The following NLGN4Y variants were observed in gnomAD, a reference collection of about 807,000 sequenced individuals.
NLGN4Y encodes neuroligin 4 Y-linked, also known as neuroligin-4, Y-linked.
Under a neutral mutation model 8.4 loss-of-function variants are expected in NLGN4Y, and 4 were observed. The observed-to-expected ratio is 0.48, with a 90% CI of 0.23 to 1.09. The LOEUF is 1.09. Among genes scored for constraint, NLGN4Y ranks in the 50% least tolerant of loss-of-function variants. The pLI, the probability that NLGN4Y is intolerant of heterozygous loss-of-function variation, is 0.19. For missense variants in NLGN4Y, 90 were observed against 192.3 expected (o/e 0.47, Z 3.15); for synonymous variants, 35 against 75.6 (o/e 0.46, Z 2.78).
intron 1 of NLGN4Y, among the ~76,000 whole-genome samples, chrY:14,543,789 G>A (rs2080159161): frequency 3.0e-5 from 1 of 33,298 alleles, no homozygotes; most frequent in African/African-American, 1.2e-4. Context: ...CAGATCTGAT[G>A]AGAAACAAAG....
chrY:14,591,873 A>C (rs753918796), intron 1 of NLGN4Y, among the ~76,000 whole-genome samples: 1 of 33,448 alleles, frequency 3.0e-5, no homozygotes, highest in South Asian at 6.6e-4. Flanking sequence ...GTCCCATCAG[A>C]TATTGGGAAG....
rs2150602732 is a variant in NLGN4Y at position 14,841,683 on chromosome Y, G to C, written c.*421G>C. The C allele has an allele frequency of 8.4e-6, 1 of 119,600 alleles. No individual in the cohort carries two copies. Among genetic ancestry groups the C allele is most frequent in the Admixed American group, 1.1e-4 (1 of 9,504 alleles). 29.8% of individuals were successfully genotyped at this position (119,600 alleles called of 400,897 possible). ...TTTTATGTGGGCTACACAATGGATG[G>C]CTCTTCTTAAGTGAAGAAAGACTCT... is the stretch of plus-strand genomic sequence containing the variant. On this transcript the variant is annotated 3_prime_UTR_variant, in exon 7 of 7. Coordinates refer to ENST00000684976, the MANE Select transcript of NLGN4Y (RefSeq NM_001365588.1).
chrY:14,783,139 A>G, intron 4 of NLGN4Y, among the ~76,000 whole-genome samples: 1 of 33,830 alleles, frequency 3.0e-5, no homozygotes, highest in Non-Finnish European at 7.4e-5. Context: ...TGTTATTTAT[A>G]ATCTTAGTAT....
intron 2 of NLGN4Y, among the ~76,000 whole-genome samples, chrY:14,671,977 A>G (rs2080712529): frequency 2.9e-5 from 1 of 34,283 alleles, no homozygotes; most frequent in Non-Finnish European, 7.3e-5. Flanking sequence ...AGAAAGGATA[A>G]TACAATTTTG....
At chrY:14,598,884 T>C (rs2080416608) in intron 1 of NLGN4Y, among the ~76,000 whole-genome samples, 2 of 13,862 alleles carry the variant, frequency 1.4e-4, no homozygotes, top group Non-Finnish European at 2.8e-4. Flanking sequence ...ATAGGAGATG[T>C]ATATATATAT....
chrY:14,557,991 A>G (rs2080215059), intron 1 of NLGN4Y, among the ~76,000 whole-genome samples: 1 of 33,282 alleles, frequency 3.0e-5, no homozygotes, highest in Non-Finnish European at 7.4e-5. Flanking sequence ...TCTCCATAAT[A>G]TTAAACTAAT....
At chrY:14,740,372 C>T (rs2081002717) in intron 4 of NLGN4Y, among the ~76,000 whole-genome samples, 3 of 33,490 alleles carry the variant, frequency 9.0e-5, no homozygotes, top group Admixed American at 5.5e-4. Context: ...CAGATTTGTC[C>T]GCACTAATAT....
At chrY:14,586,287 A>C (rs771419821) in intron 1 of NLGN4Y, among the ~76,000 whole-genome samples, 62 of 33,396 alleles carry the variant, frequency 1.9e-3, no homozygotes, top group African/African-American at 7.0e-3. Flanking sequence ...ATGAAGAAAG[A>C]GTGTAGGCTG....
intron 4 of NLGN4Y, among the ~76,000 whole-genome samples, chrY:14,789,490 C>A: frequency 3.0e-5 from 1 of 33,044 alleles, no homozygotes; most frequent in Non-Finnish European, 7.4e-5. Flanking sequence ...ACCTTCTTGG[C>A]TCATGTGATC....
At chrY:14,835,628 AAG>A (rs2043195495) in intron 6 of NLGN4Y, among the ~76,000 whole-genome samples, 2 of 27,279 alleles carry the variant, frequency 7.3e-5, no homozygotes, top group Non-Finnish European at 1.8e-4. Flanking sequence ...GAAGGAAGGA[AAG>A]AGAGATTAGG....
At chrY:14,536,483 G>C (rs2080134719) in intron 1 of NLGN4Y, among the ~76,000 whole-genome samples, 1 of 32,058 alleles carries the variant, frequency 3.1e-5, no homozygotes, top group Non-Finnish European at 7.5e-5. Context: ...TCCTGACCTC[G>C]TGATCCGCCT....
intron 2 of NLGN4Y, among the ~76,000 whole-genome samples, chrY:14,701,194 C>T (rs1028138249): frequency 6.4e-5 from 1 of 15,550 alleles, no homozygotes; most frequent in Non-Finnish European, 1.4e-4. Context: ...CGCATGCACA[C>T]GCACACACAC....
intron 2 of NLGN4Y, among the ~76,000 whole-genome samples, chrY:14,686,532 G>T (rs2080792074): frequency 6.1e-5 from 2 of 32,546 alleles, no homozygotes; most frequent in African/African-American, 1.2e-4. Context: ...CATTCACATG[G>T]TTTTGCAAAT....
chrY:14,758,656 G>T, intron 4 of NLGN4Y, among the ~76,000 whole-genome samples: 3 of 32,844 alleles, frequency 9.1e-5, no homozygotes, highest in African/African-American at 3.6e-4. Context: ...TTGTTTTGAG[G>T]CAGGGTCTCT....
chrY:14,547,188 A>T, intron 1 of NLGN4Y, among the ~76,000 whole-genome samples: 5 of 33,811 alleles, frequency 1.5e-4, no homozygotes, highest in African/African-American at 2.3e-4. Flanking sequence ...TTGCAGTTTT[A>T]TGATGGTGTG....
chrY:14,570,526 G>A (rs2080265430), intron 1 of NLGN4Y, among the ~76,000 whole-genome samples: 1 of 33,298 alleles, frequency 3.0e-5, no homozygotes, highest in Non-Finnish European at 7.4e-5. Flanking sequence ...TTTATACACT[G>A]TGTGGCAAAA....
At chrY:14,786,042 T>G in intron 4 of NLGN4Y, among the ~76,000 whole-genome samples, 1 of 33,984 alleles carries the variant, frequency 2.9e-5, no homozygotes, top group Non-Finnish European at 7.3e-5. Context: ...TCAGGAGGTA[T>G]TTGTCAAGGT....
chrY:14,614,999 A>T, intron 1 of NLGN4Y, among the ~76,000 whole-genome samples: 1 of 32,048 alleles, frequency 3.1e-5, no homozygotes, highest in Admixed American at 2.9e-4. Flanking sequence ...CTTGATGGGG[A>T]TGGCATTGAA....
At chrY:14,734,539 G>A (rs2080986066) in intron 4 of NLGN4Y, among the ~76,000 whole-genome samples, 1 of 33,493 alleles carries the variant, frequency 3.0e-5, no homozygotes, top group Non-Finnish European at 7.4e-5. Context: ...GTTTGAAAAT[G>A]TTTAATTATT....
Sources: gnomAD v4.1 joint callset for allele counts (sites outside exome capture counted in the v4.1 genomes callset) on GRCh38, gnomAD v4.1.1 for gene constraint, MANE v1.5 for transcripts, NCBI Gene and HGNC (gene_info 2026-07-23, HGNC 2026-07-21) for gene names.